EYS: variants seen among roughly 807,000 people sequenced by gnomAD.
EYS encodes the protein EGF-like photoreceptor maintenance factor.
EYS carries 250 observed loss-of-function variants against 282.1 expected under a neutral mutation model. That is an observed-to-expected ratio of 0.89 (90% CI 0.80 to 0.98). The LOEUF (loss-of-function observed/expected upper bound fraction) is 0.98, where lower values mean the gene tolerates loss of function less well. Ranked by LOEUF, EYS falls within the 50% of genes least tolerant of loss-of-function variation. The pLI, the probability that EYS is intolerant of heterozygous loss-of-function variation, is 0.00. For synonymous variants in EYS, 1,355 were observed against 1,282.9 expected, an observed-to-expected ratio of 1.06 and a Z score of -1.20; for missense variants, 4,016 against 3,709.0, an observed-to-expected ratio of 1.08 and a Z score of -2.15.
intron 13 of EYS, among the ~76,000 whole-genome samples, chr6:65,044,405 T>G (rs1369260392): frequency 6.6e-6 from 1 of 151,808 alleles, no homozygotes; most frequent in Non-Finnish European, 1.5e-5. Flanking sequence ...TTGTCTAATT[T>G]TGCCTTTGTT....
At chr6:65,445,751 G>A (rs9354243) in intron 5 of EYS, among the ~76,000 whole-genome samples, 28,152 of 151,482 alleles carry the variant, frequency 0.19, 3,264 homozygotes, top group Middle Eastern at 0.3. Context: ...ATATTTAACC[G>A]TCATGGAAAA....
At chr6:65,628,464 G>T (rs1766797392) in intron 2 of EYS, among the ~76,000 whole-genome samples, 1 of 152,140 alleles carries the variant, frequency 6.6e-6, no homozygotes, top group East Asian at 1.9e-4. Flanking sequence ...CAACCCCCTG[G>T]GGTCCCCTTC....
chr6:64,838,602 CTCTT>C (rs1319487112), intron 19 of EYS, among the ~76,000 whole-genome samples: 1 of 134,732 alleles, frequency 7.4e-6, no homozygotes, highest in African/African-American at 2.8e-5. Flanking sequence ...GAGTCTTCCT[CTCTT>C]TCTGTTTCTC....
chr6:65,502,552 T>A (rs1582385815), intron 2 of EYS, among the ~76,000 whole-genome samples: 2 of 151,682 alleles, frequency 1.3e-5, no homozygotes, highest in East Asian at 3.9e-4. Flanking sequence ...GTATATTAAC[T>A]AATGAATTTT....
chr6:64,550,125 C>G (rs896316631), intron 26 of EYS, among the ~76,000 whole-genome samples: 1 of 152,146 alleles, frequency 6.6e-6, no homozygotes, highest in Non-Finnish European at 1.5e-5. Context: ...TTTTCTTAAT[C>G]GAGTCTATCA....
intron 13 of EYS, among the ~76,000 whole-genome samples, chr6:65,008,909 C>G (rs1771776757): frequency 6.6e-6 from 1 of 152,134 alleles, no homozygotes; most frequent in Admixed American, 6.6e-5. Context: ...CCGAGGGGGT[C>G]CTAGGACAGC....
At chr6:64,400,128 G>C (rs1403263318) in intron 28 of EYS, among the ~76,000 whole-genome samples, 1 of 151,890 alleles carries the variant, frequency 6.6e-6, no homozygotes, top group East Asian at 1.9e-4. Context: ...TGCATTTGAG[G>C]TTTTTCCTTG....
chr6:64,747,681 G>A (rs2149966542), intron 22 of EYS, among the ~76,000 whole-genome samples: 1 of 152,240 alleles, frequency 6.6e-6, no homozygotes, highest in Non-Finnish European at 1.5e-5. Context: ...CCCAGCCCTA[G>A]AATCACTTAA....
chr6:65,403,250 C>T (rs2150364217), intron 6 of EYS, among the ~76,000 whole-genome samples: 1 of 152,134 alleles, frequency 6.6e-6, no homozygotes, highest in Non-Finnish European at 1.5e-5. Context: ...GCACCTGAAA[C>T]AAGTCCATGC....
intron 2 of EYS, among the ~76,000 whole-genome samples, chr6:65,586,128 G>A (rs1746059036): frequency 6.6e-6 from 1 of 151,946 alleles, no homozygotes; most frequent in African/African-American, 2.4e-5. Flanking sequence ...AGGAGAGGTT[G>A]GGAGAGAGGG....
chr6:65,056,691 C>T (rs1254659192), intron 13 of EYS, among the ~76,000 whole-genome samples: 1 of 151,774 alleles, frequency 6.6e-6, no homozygotes, highest in Non-Finnish European at 1.5e-5. Flanking sequence ...ATTGATATCC[C>T]ACCTGCCCAA....
At chr6:65,560,519 A>T (rs914443280) in intron 2 of EYS, among the ~76,000 whole-genome samples, 4 of 150,824 alleles carry the variant, frequency 2.7e-5, no homozygotes, top group Non-Finnish European at 5.9e-5. Context: ...ACGTGTGTGT[A>T]TGTGGTGTAC....
intron 21 of EYS, among the ~76,000 whole-genome samples, chr6:64,817,881 C>T (rs1313338933): frequency 6.6e-6 from 1 of 152,052 alleles, no homozygotes; most frequent in Non-Finnish European, 1.5e-5. Flanking sequence ...CATGTCTTTG[C>T]TATTTATACA....
chr6:65,571,825 T>G (rs2127353055), intron 2 of EYS, among the ~76,000 whole-genome samples: 1 of 152,062 alleles, frequency 6.6e-6, no homozygotes, highest in Non-Finnish European at 1.5e-5. Flanking sequence ...TCAATGAAAA[T>G]ATATGTTTAT....
chr6:64,356,051 T>C (rs1203113590), intron 29 of EYS, among the ~76,000 whole-genome samples: 1 of 151,680 alleles, frequency 6.6e-6, no homozygotes, highest in Admixed American at 6.6e-5. Flanking sequence ...AAGTTTGAGC[T>C]CAGGGCCAAC....
At chr6:64,342,424 G>C (rs1374046188) in intron 29 of EYS, among the ~76,000 whole-genome samples, 1 of 151,936 alleles carries the variant, frequency 6.6e-6, no homozygotes, top group Non-Finnish European at 1.5e-5. Flanking sequence ...CATTCTTAAA[G>C]AAAAGAATTT....
chr6:64,584,904 T>C (rs1284139999), intron 26 of EYS, among the ~76,000 whole-genome samples: 6 of 152,158 alleles, frequency 3.9e-5, no homozygotes, highest in Admixed American at 3.9e-4. Flanking sequence ...CTAATTTTGC[T>C]TTCACAGTTA....
chr6:64,860,717 G>A (rs1766208749), intron 19 of EYS, among the ~76,000 whole-genome samples: 1 of 152,212 alleles, frequency 6.6e-6, no homozygotes, highest in Admixed American at 6.5e-5. Context: ...TTGTGTTACA[G>A]CTCTTTCAGC....
chr6:64,867,662 T>A (rs1433052608), intron 19 of EYS, among the ~76,000 whole-genome samples: 1 of 151,738 alleles, frequency 6.6e-6, no homozygotes, highest in Non-Finnish European at 1.5e-5. Flanking sequence ...ATTATTATAG[T>A]ATGTGGTCCA....
Sources: gnomAD v4.1 joint callset for allele counts (sites outside exome capture counted in the v4.1 genomes callset) on GRCh38, gnomAD v4.1.1 for gene constraint, MANE v1.5 for transcripts, NCBI Gene and HGNC (gene_info 2026-07-23, HGNC 2026-07-21) for gene names.